KCNH5: variants seen among roughly 807,000 people sequenced by gnomAD.
KCNH5 encodes the protein voltage-gated delayed rectifier potassium channel KCNH5.
A neutral mutation model predicts 96.1 loss-of-function variants in KCNH5; 46 were observed. That is an observed-to-expected ratio of 0.48 (90% CI 0.38 to 0.61). KCNH5 has a LOEUF of 0.61. Ranked by LOEUF, KCNH5 falls within the 20% of genes least tolerant of loss-of-function variation. The probability of loss-of-function intolerance (pLI) is 0.00; values close to 1 mark genes in which losing one functional copy is unlikely to be tolerated. For missense variants in KCNH5, 907 were observed against 1,225.8 expected (o/e 0.74, Z 3.88); for synonymous variants, 439 against 449.8 (o/e 0.98, Z 0.30).
At position 62,917,409 on chromosome 14, in the gene KCNH5, G is replaced by A. The variant is rs370604346; in HGVS notation, c.1369+32724C>T. 3.8e-4 allele frequency among the ~76,000 whole-genome samples: 55 copies of A among 145,562 alleles called. 3 individuals are homozygous for A. The South Asian group carries it at 7.8e-3, about 21-fold the overall frequency. On this transcript the variant is annotated intron_variant, in intron 7 of 10. Transcript: ENST00000322893. ...TACAGAGCTTTGCCCAAGATATCCTGCATCCACACAAATGCTGATAATTAA... is the reference window on the plus strand; with the variant it reads ...TACAGAGCTTTGCCCAAGATATCCTACATCCACACAAATGCTGATAATTAA...
At position 63,045,420 on chromosome 14, in the gene KCNH5, C is replaced by T; in HGVS notation, c.-234G>A. 5.5e-6 allele frequency: 3 copies of T among 550,398 alleles called. No individual in the cohort carries two copies. In the South Asian group the frequency reaches 6.7e-5, roughly 12 times the overall value. The allele number at this position is 550,398 out of a possible 1,614,324, so 34.1% of individuals were successfully genotyped here. ...TAGCGCTCCCCCGGCCGCCGCTGCC[C>T]AGACTGTGGCGGTGCCGCACACGGG... On this transcript the variant is annotated 5_prime_UTR_variant, in exon 1 of 11. Transcript: ENST00000322893.
At chr14:62,913,168 T>C (rs1427516199) in intron 7 of KCNH5, among the ~76,000 whole-genome samples, 1 of 152,164 alleles carries the variant, frequency 6.6e-6, no homozygotes, top group Admixed American at 6.5e-5. Flanking sequence ...GCCTCGAATA[T>C]AAAATTAGCC....
rs371347220 is a variant in KCNH5, at chr14:62,823,407, C to T, written c.1570-20826G>A. On this transcript the variant is annotated intron_variant, in intron 8 of 10. Coordinates refer to ENST00000322893, the MANE Select transcript of KCNH5 (RefSeq NM_139318.5). ...ATGAGGTACAGATTGTCATGCTACA[C>T]CTTATTAGAACACTGAGAGATTGGG... Among the ~76,000 whole-genome samples, 22 of 152,142 alleles carry T rather than the reference C, an allele frequency of 1.4e-4. No individual in the cohort carries two copies. The South Asian group carries it at 4.4e-3, about 30-fold the overall frequency.
intron 10 of KCNH5, among the ~76,000 whole-genome samples, chr14:62,724,406 A>C (rs912265888): frequency 6.6e-6 from 1 of 152,204 alleles, no homozygotes; most frequent in Non-Finnish European, 1.5e-5. Context: ...ACAAGAGGTC[A>C]GTACCTGAAG....
chr14:62,785,401 A>ACTTT (rs1886300951), intron 9 of KCNH5, among the ~76,000 whole-genome samples: 1 of 152,210 alleles, frequency 6.6e-6, no homozygotes, highest in African/African-American at 2.4e-5. Flanking sequence ...TACTGTACAA[A>ACTTT]AGATTTTGCA....
rs188766245 is a variant in KCNH5, at chr14:62,965,086, G to T, written c.943-14527C>A. Among the ~76,000 whole-genome samples, 54 of 152,222 alleles carry T rather than the reference G, an allele frequency of 3.5e-4. No homozygotes were observed. In the East Asian group the frequency reaches 8.7e-3, roughly 24 times the overall value. ...GAGTACCTCAATATATATATAGAGA[G>T]AGAGAGGTGAATAGATGCATAAAAT... On this transcript the variant is annotated intron_variant, in intron 6 of 10. Coordinates refer to ENST00000322893, the MANE Select transcript of KCNH5 (RefSeq NM_139318.5).
chr14:62,805,408 C>T (rs991585559), intron 8 of KCNH5, among the ~76,000 whole-genome samples: 54 of 152,176 alleles, frequency 3.5e-4, no homozygotes, highest in African/African-American at 1.3e-3. Flanking sequence ...ATCCAGATAT[C>T]AAAAAGTGAC....
chr14:62,737,898 A>G (rs903058336), intron 10 of KCNH5, among the ~76,000 whole-genome samples: 1 of 152,120 alleles, frequency 6.6e-6, no homozygotes, highest in African/African-American at 2.4e-5. Flanking sequence ...GACAATTCCA[A>G]GGCCCCCAGT....
intron 1 of KCNH5, among the ~76,000 whole-genome samples, chr14:63,029,781 T>C (rs1891592834): frequency 2.6e-5 from 4 of 152,058 alleles, no homozygotes; most frequent in South Asian, 2.1e-4. Context: ...ACACTCTCTA[T>C]GTATATGAAA....
At chr14:62,734,053 T>A (rs754116916) in intron 10 of KCNH5, among the ~76,000 whole-genome samples, 2 of 152,152 alleles carry the variant, frequency 1.3e-5, no homozygotes, top group Non-Finnish European at 2.9e-5. Context: ...AAAATCATTA[T>A]CCTAACTAAT....
intron 3 of KCNH5, among the ~76,000 whole-genome samples, chr14:63,003,536 ATATAT>A (rs1891059395): frequency 9.0e-6 from 1 of 110,786 alleles, no homozygotes; most frequent in Admixed American, 9.7e-5. Flanking sequence ...TATATATATT[ATATAT>A]TATATATAGT....
At chr14:62,710,566 G>A (rs896064482) in intron 10 of KCNH5, among the ~76,000 whole-genome samples, 1 of 152,156 alleles carries the variant, frequency 6.6e-6, no homozygotes, top group Non-Finnish European at 1.5e-5. Flanking sequence ...TTGATTCTAT[G>A]GGTGGACATG....
chr14:62,973,175 T>C (rs1890441220), intron 6 of KCNH5, among the ~76,000 whole-genome samples: 1 of 152,160 alleles, frequency 6.6e-6, no homozygotes, highest in Non-Finnish European at 1.5e-5. Context: ...AAAGCGGTCT[T>C]AAAAATTAAA....
chr14:62,845,785 T>C (rs547001663), intron 8 of KCNH5, among the ~76,000 whole-genome samples: 9 of 152,240 alleles, frequency 5.9e-5, no homozygotes, highest in African/African-American at 1.9e-4. Context: ...GATTGGAAGT[T>C]TGGTTTTGGA....
At chr14:62,898,316 G>C (rs1247920247) in intron 7 of KCNH5, among the ~76,000 whole-genome samples, 2 of 152,078 alleles carry the variant, frequency 1.3e-5, no homozygotes, top group Non-Finnish European at 2.9e-5. Context: ...TTGTTTTAAA[G>C]CCTTTGCATT....
At chr14:62,722,682 G>T (rs757759084) in intron 10 of KCNH5, among the ~76,000 whole-genome samples, 1 of 152,078 alleles carries the variant, frequency 6.6e-6, no homozygotes, top group Non-Finnish European at 1.5e-5. Context: ...GGGACTCTTC[G>T]GTATGTATGT....
chr14:62,814,778 A>G (rs536359353), intron 8 of KCNH5, among the ~76,000 whole-genome samples: 2 of 129,250 alleles, frequency 1.5e-5, no homozygotes, highest in South Asian at 2.5e-4. Context: ...GCGAGACTCC[A>G]TCTCAAAAAA....
Position 62,949,416 on chromosome 14 carries a change from T to A in KCNH5, c.1369+717A>T, listed in dbSNP as rs140601287. 5.2e-4 allele frequency among the ~76,000 whole-genome samples: 79 copies of A among 152,310 alleles called. No homozygotes were observed. In the East Asian group the frequency reaches 0.014, roughly 26 times the overall value. On this transcript the variant is annotated intron_variant, in intron 7 of 10. Coordinates refer to ENST00000322893, the MANE Select transcript of KCNH5 (RefSeq NM_139318.5). ...AATGATGGTGAAGTCTCCCTCAAGA[T>A]CTTCAAAAGCAGCTTCTTTGTATGT...
chr14:62,766,203 G>A (rs962990171), intron 10 of KCNH5, among the ~76,000 whole-genome samples: 15 of 152,104 alleles, frequency 9.9e-5, no homozygotes, highest in African/African-American at 2.9e-4. Flanking sequence ...GTGGAAAAAC[G>A]GGACATCTTG....
Sources: gnomAD v4.1 joint callset for allele counts (sites outside exome capture counted in the v4.1 genomes callset) on GRCh38, gnomAD v4.1.1 for gene constraint, MANE v1.5 for transcripts, NCBI Gene and HGNC (gene_info 2026-07-23, HGNC 2026-07-21) for gene names.